CCSER1: variants seen among roughly 807,000 people sequenced by gnomAD.
CCSER1 encodes the protein serine-rich coiled-coil domain-containing protein 1.
A neutral mutation model predicts 82.0 loss-of-function variants in CCSER1; 41 were observed. The observed-to-expected ratio is 0.50, with a 90% confidence interval of 0.39 to 0.65. The LOEUF (loss-of-function observed/expected upper bound fraction) is 0.65, where lower values mean the gene tolerates loss of function less well. CCSER1 is among the 30% of genes least tolerant of loss of function. The pLI, the probability that CCSER1 is intolerant of heterozygous loss-of-function variation, is 0.00. For missense variants in CCSER1, 1,119 were observed against 1,064.2 expected, an observed-to-expected ratio of 1.05 and a Z score of -0.72; for synonymous variants, 414 against 383.9, an observed-to-expected ratio of 1.08 and a Z score of -0.92.
chr4:91,188,216 G>T (rs1047978846), intron 10 of CCSER1, among the ~76,000 whole-genome samples: 1 of 152,036 alleles, frequency 6.6e-6, no homozygotes, highest in African/African-American at 2.4e-5. Flanking sequence ...ACTTGAAAAT[G>T]TTCTGTTTTA....
At chr4:91,061,256 C>T (rs10026512) in intron 9 of CCSER1, among the ~76,000 whole-genome samples, 6,571 of 151,342 alleles carry the variant, frequency 0.043, 178 homozygotes, top group Middle Eastern at 0.062. Context: ...ATACTGTATC[C>T]GTTCAGATAC....
intron 1 of CCSER1, among the ~76,000 whole-genome samples, chr4:90,288,038 G>C (rs1344297638): frequency 1.3e-5 from 2 of 151,632 alleles, no homozygotes; most frequent in East Asian, 3.9e-4. Context: ...ATTATTACTA[G>C]TGTTACCCAC....
At chr4:90,363,981 G>T (rs1745838280) in intron 3 of CCSER1, among the ~76,000 whole-genome samples, 1 of 152,132 alleles carries the variant, frequency 6.6e-6, no homozygotes, top group Non-Finnish European at 1.5e-5. Flanking sequence ...TTTTGAAAAT[G>T]AGCATTTTTT....
At chr4:91,046,540 T>C (rs1236286055) in intron 9 of CCSER1, among the ~76,000 whole-genome samples, 1 of 152,202 alleles carries the variant, frequency 6.6e-6, no homozygotes, top group Non-Finnish European at 1.5e-5. Flanking sequence ...AAGATTCAAA[T>C]CTAAGTATTG....
chr4:90,450,717 C>A, intron 4 of CCSER1, among the ~76,000 whole-genome samples: 1 of 152,168 alleles, frequency 6.6e-6, no homozygotes, highest in East Asian at 1.9e-4. Context: ...ACAGTAAGCC[C>A]TCACCCCCAT....
At chr4:90,937,494 C>T (rs1396952822) in intron 9 of CCSER1, among the ~76,000 whole-genome samples, 2 of 151,526 alleles carry the variant, frequency 1.3e-5, no homozygotes, top group Admixed American at 6.6e-5. Context: ...CACACACACA[C>T]ACACACACAA....
At chr4:90,479,573 C>G (rs1001076635) in intron 5 of CCSER1, among the ~76,000 whole-genome samples, 1 of 151,920 alleles carries the variant, frequency 6.6e-6, no homozygotes, top group East Asian at 1.9e-4. Flanking sequence ...TCCCCTTCCT[C>G]TGTCCATGTG....
intron 6 of CCSER1, among the ~76,000 whole-genome samples, chr4:90,645,771 T>C (rs1356256217): frequency 1.3e-5 from 2 of 152,208 alleles, no homozygotes; most frequent in Non-Finnish European, 2.9e-5. Flanking sequence ...TAAGGCTGTT[T>C]TGAACCAAAA....
chr4:90,163,058 A>G (rs1560721626), intron 1 of CCSER1, among the ~76,000 whole-genome samples: 1 of 152,154 alleles, frequency 6.6e-6, no homozygotes, highest in Non-Finnish European at 1.5e-5. Flanking sequence ...TTTTGAAAGA[A>G]GAGATGCATA....
intron 8 of CCSER1, among the ~76,000 whole-genome samples, chr4:90,843,624 A>G (rs905361358): frequency 2.0e-5 from 3 of 152,232 alleles, no homozygotes; most frequent in African/African-American, 7.2e-5. Context: ...CAACATAAAC[A>G]GAATCATTCT....
At chr4:90,495,962 G>A (rs1768929297) in intron 5 of CCSER1, among the ~76,000 whole-genome samples, 1 of 152,092 alleles carries the variant, frequency 6.6e-6, no homozygotes, top group African/African-American at 2.4e-5. Flanking sequence ...ATTTAGCTCA[G>A]GAAAAGCATT....
At chr4:91,457,874 T>C (rs1036566300) in intron 10 of CCSER1, among the ~76,000 whole-genome samples, 2 of 152,206 alleles carry the variant, frequency 1.3e-5, no homozygotes, top group Admixed American at 6.5e-5. Flanking sequence ...TTCTTTGAAA[T>C]AGCTAAACTG....
chr4:90,517,575 A>G (rs979071849), intron 5 of CCSER1, among the ~76,000 whole-genome samples: 2 of 152,190 alleles, frequency 1.3e-5, no homozygotes, highest in African/African-American at 4.8e-5. Flanking sequence ...AGCAGGTTGA[A>G]TATACAGATT....
chr4:91,003,416 G>A (rs1483203961), intron 9 of CCSER1, among the ~76,000 whole-genome samples: 1 of 152,072 alleles, frequency 6.6e-6, no homozygotes, highest in Non-Finnish European at 1.5e-5. Flanking sequence ...TGTGGGGATG[G>A]CGGTGAGGTT....
chr4:91,270,626 C>T (rs74896120), intron 10 of CCSER1, among the ~76,000 whole-genome samples: 2,088 of 152,234 alleles, frequency 0.014, 21 homozygotes, highest in Non-Finnish European at 0.021. Flanking sequence ...AGTCCTCATA[C>T]TCATCCTGAT....
chr4:90,328,865 T>C (rs1738718574), intron 3 of CCSER1, among the ~76,000 whole-genome samples: 1 of 152,160 alleles, frequency 6.6e-6, no homozygotes, highest in Non-Finnish European at 1.5e-5. Flanking sequence ...GTTTTGACTA[T>C]GACTTTAGAA....
intron 1 of CCSER1, chr4:90,234,910 T>G (rs1414427443): frequency 6.6e-6 from 1 of 152,178 alleles, no homozygotes; most frequent in African/African-American, 2.4e-5. Context: ...TTATGTTTCC[T>G]CAACTTTTCT....
At chr4:90,270,989 A>C (rs1223211907) in intron 1 of CCSER1, among the ~76,000 whole-genome samples, 1 of 152,134 alleles carries the variant, frequency 6.6e-6, no homozygotes, top group East Asian at 1.9e-4. Flanking sequence ...AGAATTGGAT[A>C]AGGACACAAG....
intron 10 of CCSER1, among the ~76,000 whole-genome samples, chr4:91,277,955 C>T (rs1581892532): frequency 6.6e-6 from 1 of 151,936 alleles, no homozygotes; most frequent in African/African-American, 2.4e-5. Context: ...TATTCAGGAG[C>T]ATGTTGTTTA....
Sources: allele counts gnomAD v4.1 joint callset (sites outside exome capture counted in the v4.1 genomes callset), GRCh38; gene constraint gnomAD v4.1.1; transcripts MANE v1.5; gene names NCBI Gene and HGNC (gene_info 2026-07-23, HGNC 2026-07-21).